Variants in MED13L observed in about 807,000 individuals in gnomAD.
MED13L encodes the protein mediator complex subunit 13L.
A neutral mutation model predicts 220.9 loss-of-function variants in MED13L; 7 were observed. That is an observed-to-expected ratio of 0.03 (90% CI 0.02 to 0.06). The LOEUF is 0.06. MED13L is among the 10% of genes least tolerant of loss of function. The pLI is 1.00. For synonymous variants in MED13L, 1,011 were observed against 1,015.2 expected (o/e 1.00, Z 0.08); for missense variants, 1,965 against 2,760.5 (o/e 0.71, Z 6.46).
chr12:115,982,609 G>A lies in MED13L; in HGVS notation c.4956-6C>T. On this transcript the variant is annotated splice_polypyrimidine_tract_variant and splice_region_variant and intron_variant, in intron 21 of 30. Coordinates refer to ENST00000281928, the MANE Select transcript of MED13L (RefSeq NM_015335.5). ...TTCTCTCCCTTTCTGTAACACTGGA[G>A]AGAGAGTCACTTGTGAGATGCACAA... is the stretch of plus-strand genomic sequence containing the variant. 6.2e-7 allele frequency: 1 copy of A among 1,607,736 alleles called. No homozygotes were observed. Among genetic ancestry groups the A allele is most frequent in the Non-Finnish European group, 8.5e-7 (1 of 1,174,372 alleles).
At chr12:116,240,829 C>G (rs2138474980) in intron 1 of MED13L, among the ~76,000 whole-genome samples, 2 of 151,886 alleles carry the variant, frequency 1.3e-5, no homozygotes, top group East Asian at 3.9e-4. Flanking sequence ...GCCCGGACAT[C>G]AAGGTGTATG....
intron 7 of MED13L, among the ~76,000 whole-genome samples, chr12:116,018,399 G>A (rs372056037): frequency 9.9e-5 from 15 of 152,236 alleles, no homozygotes; most frequent in African/African-American, 1.4e-4. Context: ...TGAGGATTAC[G>A]TATGTATCAT....
intron 2 of MED13L, among the ~76,000 whole-genome samples, chr12:116,179,592 C>T (rs1051127629): frequency 3.3e-5 from 5 of 151,742 alleles, no homozygotes; most frequent in African/African-American, 7.3e-5. Context: ...CCAGCCTGGG[C>T]GACATTCAAG....
intron 28 of MED13L, among the ~76,000 whole-genome samples, chr12:115,966,909 C>T (rs1268912771): frequency 1.3e-5 from 2 of 152,158 alleles, no homozygotes; most frequent in African/African-American, 2.4e-5. Flanking sequence ...CGGTGGCTCA[C>T]ACCTGTAATC....
chr12:116,125,766 T>G (rs906161325), intron 2 of MED13L, among the ~76,000 whole-genome samples: 7 of 152,220 alleles, frequency 4.6e-5, no homozygotes, highest in African/African-American at 1.7e-4. Flanking sequence ...AAAGACAAAG[T>G]TAATCATCAG....
chr12:116,036,736 C>T (rs1162405145), intron 4 of MED13L, among the ~76,000 whole-genome samples: 1 of 152,158 alleles, frequency 6.6e-6, no homozygotes, highest in African/African-American at 2.4e-5. Context: ...GAATATTTTG[C>T]TAATATTACT....
intron 2 of MED13L, among the ~76,000 whole-genome samples, chr12:116,152,500 T>C (rs1435537457): frequency 6.6e-6 from 1 of 152,140 alleles, no homozygotes; most frequent in African/African-American, 2.4e-5. Flanking sequence ...GTACATTTCA[T>C]ATCATCCTTG....
intron 4 of MED13L, among the ~76,000 whole-genome samples, chr12:116,023,923 T>C (rs1018152231): frequency 6.6e-6 from 1 of 152,122 alleles, no homozygotes; most frequent in African/African-American, 2.4e-5. Context: ...TTTATGAAAA[T>C]GACACTAGAA....
At chr12:116,244,179 A>G (rs769949352) in intron 1 of MED13L, among the ~76,000 whole-genome samples, 6 of 152,196 alleles carry the variant, frequency 3.9e-5, no homozygotes, top group Non-Finnish European at 7.3e-5. Context: ...ACTTCCTCCA[A>G]TGATAGGGTT....
At chr12:115,965,594 C>T (rs960137764) in intron 29 of MED13L, among the ~76,000 whole-genome samples, 4 of 152,090 alleles carry the variant, frequency 2.6e-5, no homozygotes, top group African/African-American at 9.7e-5. Flanking sequence ...GTTTTGAACC[C>T]TTAAAATTGG....
chr12:116,061,099 G>C (rs942810213), intron 4 of MED13L, among the ~76,000 whole-genome samples: 9 of 152,130 alleles, frequency 5.9e-5, no homozygotes, highest in Admixed American at 1.3e-4. Context: ...AACTAACTTA[G>C]TAAGACTATA....
intron 16 of MED13L, 79 bp downstream of exon 16, chr12:115,996,397 C>A: frequency 6.6e-7 from 1 of 1,525,166 alleles, no homozygotes; most frequent in Non-Finnish European, 9.1e-7. Context: ...CGGACCTTGT[C>A]ATCATTTTTA....
intron 4 of MED13L, among the ~76,000 whole-genome samples, chr12:116,075,377 A>G (rs1018780433): frequency 1.3e-5 from 2 of 152,352 alleles, no homozygotes; most frequent in Middle Eastern, 3.4e-3. Context: ...AGACTGTACA[A>G]GCAGTTTGCA....
chr12:116,124,146 G>GACAGAC (rs1355711257), intron 2 of MED13L, among the ~76,000 whole-genome samples: 1 of 148,174 alleles, frequency 6.7e-6, no homozygotes, highest in Non-Finnish European at 1.5e-5. Context: ...GAGAGAGAGA[G>GACAGAC]AGAGACAGAG....
intron 2 of MED13L, among the ~76,000 whole-genome samples, chr12:116,164,205 A>G (rs1329103633): frequency 1.3e-5 from 2 of 152,210 alleles, no homozygotes; most frequent in African/African-American, 4.8e-5. Context: ...AAGACACATG[A>G]AAGTGCATAT....
At chr12:116,148,609 C>CTATATATATATA (rs3043743) in intron 2 of MED13L, 2 of 178,212 alleles carry the variant, frequency 1.1e-5, no homozygotes, top group African/African-American at 5.1e-5. Flanking sequence ...ATGGAGATAT[C>CTATATATATATA]TATATATATA....
At chr12:116,012,504 T>C (rs1199848360) in intron 9 of MED13L, among the ~76,000 whole-genome samples, 2 of 152,184 alleles carry the variant, frequency 1.3e-5, no homozygotes, top group Non-Finnish European at 2.9e-5. Flanking sequence ...AGTAGTTAAA[T>C]AAAGTCATTT....
At position 116,124,123 on chromosome 12, in the gene MED13L, C is replaced by CGAGAGAGAGAGAGA. The variant is rs58366115; in HGVS notation, c.311-12625_311-12612dup. Among the ~76,000 whole-genome samples the CGAGAGAGAGAGAGA allele has an allele frequency of 5.2e-3, 694 of 132,862 alleles. 4 individuals are homozygous for CGAGAGAGAGAGAGA. The highest frequency in any genetic ancestry group is 0.028 in the Middle Eastern group (7 of 252). 87.2% of individuals were successfully genotyped at this position (132,862 alleles called of 152,430 possible). The stretch of plus-strand genomic sequence containing the variant: ...ACATCTGCAGAGAGAGAGAGAAAGA[C>CGAGAGAGAGAGAGA]GAGAGAGAGAGAGAGAGAGAGAGAG... On this transcript the variant is annotated intron_variant, in intron 2 of 30. Coordinates refer to ENST00000281928, the MANE Select transcript of MED13L (RefSeq NM_015335.5).
At chr12:116,168,441 C>T (rs1879445903) in intron 2 of MED13L, among the ~76,000 whole-genome samples, 1 of 151,808 alleles carries the variant, frequency 6.6e-6, no homozygotes, top group Non-Finnish European at 1.5e-5. Flanking sequence ...ACTGTGAATA[C>T]ACTAACAGGC....
Sources: gnomAD v4.1 joint callset for allele counts (sites outside exome capture counted in the v4.1 genomes callset) on GRCh38, gnomAD v4.1.1 for gene constraint, MANE v1.5 for transcripts, NCBI Gene and HGNC (gene_info 2026-07-23, HGNC 2026-07-21) for gene names.